DAZAP1: variants seen among roughly 807,000 people sequenced by gnomAD.
DAZAP1 encodes DAZ associated protein 1, also known as DAZ-associated protein 1.
A neutral mutation model predicts 60.1 loss-of-function variants in DAZAP1; 6 were observed. The ratio of observed to expected loss-of-function variants is 0.10; its 90% CI spans 0.05 to 0.20. The LOEUF (loss-of-function observed/expected upper bound fraction) is 0.20, where lower values mean the gene tolerates loss of function less well. Ranked by LOEUF, DAZAP1 falls within the 10% of genes least tolerant of loss-of-function variation. DAZAP1 has a pLI of 1.00. For missense variants in DAZAP1, 366 were observed against 560.4 expected, an observed-to-expected ratio of 0.65 and a Z score of 3.50; for synonymous variants, 235 against 215.9, an observed-to-expected ratio of 1.09 and a Z score of -0.78.
In DAZAP1 at chr19:1,433,914, G is replaced by A. The variant is rs2083523923; in HGVS notation, c.1049-823G>A. 2 of 1,214,824 alleles carry A rather than the reference G, an allele frequency of 1.6e-6. No individual in the cohort carries two copies. Among genetic ancestry groups the A allele is most frequent in the Middle Eastern group, 1.9e-4 (1 of 5,194 alleles). 75.3% of individuals were successfully genotyped at this position (1,214,824 alleles called of 1,614,324 possible). On this transcript the variant is annotated intron_variant, in intron 11 of 11. Coordinates refer to ENST00000233078, the MANE Select transcript of DAZAP1 (RefSeq NM_018959.4). This position sits in a 1 kb window ranked among gnomAD's most constrained non-coding sequence, Gnocchi z 6.1. ...TTCCTCTGCCGTCCCGGGCGGGGGT[G>A]GACGCTGGCGGTGCCCTCTGGGAAG...
Position 1,432,714 on chromosome 19 carries a change from C to T in DAZAP1, c.1048+24C>T, listed in dbSNP as rs549181267. 2.6e-4 allele frequency: 406 copies of T among 1,566,802 alleles called. 6 individuals carry two copies. In the South Asian group the frequency reaches 4.7e-3, roughly 18 times the overall value. ...TGGTAAGTGGTCTCCTGCCATGCCGCGTCCCCGCTGGCCCCAGGACCCTGG... is the reference window on the plus strand; with the variant it reads ...TGGTAAGTGGTCTCCTGCCATGCCGTGTCCCCGCTGGCCCCAGGACCCTGG... On this transcript the variant is annotated intron_variant, in intron 11 of 11. Coordinates refer to ENST00000233078, the MANE Select transcript of DAZAP1 (RefSeq NM_018959.4). This position sits in a 1 kb window ranked among gnomAD's most constrained non-coding sequence, Gnocchi z 4.9.
chr19:1,409,567 C>G (rs2082765211), intron 1 of DAZAP1, among the ~76,000 whole-genome samples: 2 of 152,256 alleles, frequency 1.3e-5, no homozygotes, highest in African/African-American at 4.8e-5. Flanking sequence ...GGAGTGTCCA[C>G]TGCTTTCTAA....
In DAZAP1 at chr19:1,407,660, CCGT is replaced by C. The variant is rs1569022996; in HGVS notation, c.-113_-111del. ...GCCGCCGCCGCCGCCGCCGCCGCCG[CCGT>C]TGCGCAGATCCGGGCCGCGGCTGTG... On this transcript the variant is annotated 5_prime_UTR_variant, in exon 1 of 12. Transcript: ENST00000233078. The C allele has an allele frequency of 2.1e-6, 2 of 959,072 alleles. No individual in the cohort carries two copies. The highest frequency in any genetic ancestry group is 1.8e-5 in the African/African-American group (1 of 54,276). The allele number at this position is 959,072 out of a possible 1,614,324, so 59.4% of individuals were successfully genotyped here. A position where few individuals can be genotyped will look rare whatever the true frequency, so the allele number is the denominator to read the frequency against.
At chr19:1,412,066 G>A (rs897775742) in intron 1 of DAZAP1, among the ~76,000 whole-genome samples, 1 of 152,226 alleles carries the variant, frequency 6.6e-6, no homozygotes, top group East Asian at 1.9e-4. Flanking sequence ...CTGGGAGGGC[G>A]GGGCTGGCAG....
At chr19:1,408,445 G>A (rs2082728497) in intron 1 of DAZAP1, among the ~76,000 whole-genome samples, 2 of 152,246 alleles carry the variant, frequency 1.3e-5, no homozygotes, top group East Asian at 1.9e-4. Context: ...AAACTTGGCG[G>A]GCGGCGCACG....
Position 1,425,671 on chromosome 19 carries a change from G to A in DAZAP1, c.464-207G>A, listed in dbSNP as rs933447583. Among the ~76,000 whole-genome samples the A allele has an allele frequency of 6.6e-6, 1 of 152,242 alleles. No homozygotes were observed. The highest frequency in any genetic ancestry group is 1.5e-5 in the Non-Finnish European group (1 of 68,040). ...TCAGTCAGCAGAGCCGTCACCGGGA[G>A]TGCGGACGTCACCGTCTGTCCACTC... On this transcript the variant is annotated intron_variant, in intron 6 of 11. Coordinates refer to ENST00000233078, the MANE Select transcript of DAZAP1 (RefSeq NM_018959.4). This position sits in a 1 kb window ranked among gnomAD's most constrained non-coding sequence, Gnocchi z 5.4.
intron 1 of DAZAP1, among the ~76,000 whole-genome samples, chr19:1,409,631 C>T (rs1025600605): frequency 1.3e-5 from 2 of 152,248 alleles, no homozygotes; most frequent in African/African-American, 2.4e-5. Flanking sequence ...CATGGGAGAC[C>T]GGCTTCCATT....
At position 1,431,586 on chromosome 19, in the gene DAZAP1, C is replaced by T. The variant is rs559633083; in HGVS notation, c.872-928C>T. 2.7e-4 allele frequency among the ~76,000 whole-genome samples: 41 copies of T among 152,244 alleles called. No homozygotes were observed. The South Asian group carries it at 8.3e-3, about 31-fold the overall frequency. ...CTGGGATTACAGGCGTCTGCCACCA[C>T]GCCCGGCTAATTTTGTATTTTTAGT... On this transcript the variant is annotated intron_variant, in intron 10 of 11. Transcript: ENST00000233078.
At position 1,435,584 on chromosome 19, in the gene DAZAP1, C is replaced by T. The variant is rs760880287; in HGVS notation, c.*672C>T. 1 of 152,272 alleles carries T rather than the reference C, an allele frequency of 6.6e-6. No homozygotes were observed. Among genetic ancestry groups the T allele is most frequent in the Admixed American group, 6.5e-5 (1 of 15,292 alleles). The allele number at this position is 152,272 out of a possible 1,614,324, so 9.4% of individuals were successfully genotyped here. On this transcript the variant is annotated 3_prime_UTR_variant, in exon 12 of 12. Transcript: ENST00000233078. Reference sequence around the variant, plus strand: ...GATCCCACGCAGCGCTGAACCGAACCGAGTAGGAAGCCTTTCTCCCCAGGC... The same window carrying T: ...GATCCCACGCAGCGCTGAACCGAACTGAGTAGGAAGCCTTTCTCCCCAGGC...
intron 1 of DAZAP1, among the ~76,000 whole-genome samples, chr19:1,411,725 C>T (rs1478690413): frequency 6.6e-6 from 1 of 152,248 alleles, no homozygotes; most frequent in East Asian, 1.9e-4. Context: ...GACTGAGGCA[C>T]AGAGGAGTTG....
chr19:1,434,333 C>T lies in DAZAP1; in HGVS notation c.1049-404C>T, dbSNP rs1042037107. ...GCAGGCCCTGTATCGCTGCAAGGGC[C>T]CGTCAGGGGTTTTCTGAAACTCCGA... On this transcript the variant is annotated intron_variant, in intron 11 of 11. Coordinates refer to ENST00000233078, the MANE Select transcript of DAZAP1 (RefSeq NM_018959.4). This position sits in a 1 kb window ranked among gnomAD's most constrained non-coding sequence, Gnocchi z 8.0. The T allele has an allele frequency of 1.9e-5, 4 of 209,498 alleles. No individual in the cohort carries two copies. The highest frequency in any genetic ancestry group is 9.4e-5 in the African/African-American group (4 of 42,706). The allele number at this position is 209,498 out of a possible 1,614,324, so 13.0% of individuals were successfully genotyped here.
At chr19:1,427,799 TG>T (rs1252245569) in intron 7 of DAZAP1, 1 of 152,356 alleles carries the variant, frequency 6.6e-6, no homozygotes, top group Non-Finnish European at 1.5e-5. Context: ...CCTCTGTGGC[TG>T]CTGCTGTCTG....
In DAZAP1 at chr19:1,416,174, T is replaced by C. The variant is rs2082979261; in HGVS notation, c.30-1326T>C. 1.3e-5 allele frequency: 2 copies of C among 152,218 alleles called. No homozygotes were observed. Among genetic ancestry groups the C allele is most frequent in the Non-Finnish European group, 2.9e-5 (2 of 68,040 alleles). 9.4% of individuals were successfully genotyped at this position (152,218 alleles called of 1,614,324 possible). A position where few individuals can be genotyped will look rare whatever the true frequency, so the allele number is the denominator to read the frequency against. ...GCTGGCAGGAGCAGGGAGGAGCACG[T>C]TGCTCCTGCTGCTGGTGGGGCAGTA... On this transcript the variant is annotated intron_variant, in intron 1 of 11. Transcript: ENST00000233078. This position sits in a 1 kb window ranked among gnomAD's most constrained non-coding sequence, Gnocchi z 4.3.
intron 8 of DAZAP1, 116 bp downstream of exon 8, chr19:1,429,111 G>A (rs940878241): frequency 1.2e-5 from 16 of 1,295,558 alleles, no homozygotes; most frequent in East Asian, 2.8e-5. Context: ...GCACAGAGCC[G>A]CGGTTCACAG....
chr19:1,413,019 G>A (rs996901668), intron 1 of DAZAP1, among the ~76,000 whole-genome samples: 1 of 152,210 alleles, frequency 6.6e-6, no homozygotes. Flanking sequence ...CCGTCAGCTG[G>A]GTGATGACTC....
At chr19:1,429,192 C>A (rs1041641181) in intron 8 of DAZAP1, among the ~76,000 whole-genome samples, 197 bp downstream of exon 8, 1 of 152,238 alleles carries the variant, frequency 6.6e-6, no homozygotes, top group South Asian at 2.1e-4. Flanking sequence ...TCCTCAGTAG[C>A]GGGGTGGCCA....
rs2083355707 is a variant in DAZAP1 at position 1,428,337 on chromosome 19, TC to T, written c.547-503del. The stretch of plus-strand genomic sequence containing the variant: ...GCCTGGGGAAGGTAAGTCTTTATCT[TC>T]CATTAGACATTTTAAATTTAAAAAT... On this transcript the variant is annotated intron_variant, in intron 7 of 11. Coordinates refer to ENST00000233078, the MANE Select transcript of DAZAP1 (RefSeq NM_018959.4). The surrounding 1 kb of genome is among the most constrained non-coding windows in gnomAD (Gnocchi z 4.0). The T allele has an allele frequency of 1.3e-5, 2 of 152,722 alleles. No individual in the cohort carries two copies. The highest frequency in any genetic ancestry group is 1.3e-4 in the Admixed American group (2 of 15,316). 9.5% of individuals were successfully genotyped at this position (152,722 alleles called of 1,614,324 possible).
intron 1 of DAZAP1, among the ~76,000 whole-genome samples, chr19:1,408,487 C>T (rs972324964): frequency 5.9e-5 from 9 of 152,254 alleles, no homozygotes; most frequent in African/African-American, 1.9e-4. Context: ...CCGGTTCTGC[C>T]ACCGCCCAAC....
At position 1,433,718 on chromosome 19, in the gene DAZAP1, C is replaced by G. The variant is rs1442137368; in HGVS notation, c.1049-1019C>G. The G allele has an allele frequency of 1.2e-6, 2 of 1,610,218 alleles. No individual in the cohort carries two copies. Among genetic ancestry groups the G allele is most frequent in the African/African-American group, 2.7e-5 (2 of 74,862 alleles). ...GGTGGCGGCTGCTTGGGTTGGTCAC[C>G]CTGGTCTCGTCTCTTGCCAGGCCTG... On this transcript the variant is annotated intron_variant, in intron 11 of 11. Transcript: ENST00000233078. The surrounding 1 kb of genome is among the most constrained non-coding windows in gnomAD (Gnocchi z 6.1).
Sources: allele counts gnomAD v4.1 joint callset (sites outside exome capture counted in the v4.1 genomes callset), GRCh38; gene constraint gnomAD v4.1.1; non-coding constraint Gnocchi (gnomAD v3.1); transcripts MANE v1.5; gene names NCBI Gene and HGNC (gene_info 2026-07-23, HGNC 2026-07-21).